Variants in TRPV1 observed in about 807,000 individuals in gnomAD.
TRPV1 encodes the protein OTRPC1.
TRPV1 carries 82 observed loss-of-function variants against 82.3 expected under a neutral mutation model. The ratio of observed to expected loss-of-function variants is 1.00; its 90% confidence interval spans 0.83 to 1.20. TRPV1 has a LOEUF of 1.20. Ranked by LOEUF, TRPV1 falls within the 50% of genes most tolerant of loss-of-function variation. The pLI is 0.00. For synonymous variants in TRPV1, 515 were observed against 467.7 expected, an observed-to-expected ratio of 1.10 and a Z score of -1.30; for missense variants, 1,067 against 1,096.8, an observed-to-expected ratio of 0.97 and a Z score of 0.38.
intron 11 of TRPV1, among the ~76,000 whole-genome samples, chr17:3,580,247 C>T (rs373423416): frequency 7.9e-5 from 12 of 152,284 alleles, no homozygotes; most frequent in East Asian, 7.7e-4. Context: ...CTGTAAGTCA[C>T]GGCAGTTTCT....
rs535619092 is a variant in TRPV1 at position 3,571,630 on chromosome 17, C to G, written c.2241G>C (p.Glu747Asp). Residue 747 changes from glutamate to aspartate, a missense_variant, in exon 16 of 17, where the codon GAG (glutamate) becomes GAC (aspartate). By Grantham distance (45) the Glu-to-Asp change is conservative (BLOSUM62 2). Transcript: ENST00000572705. The stretch of plus-strand genomic sequence containing the variant: ...TGGTGTTCCAGGTGGTCCAGTTCAC[C>G]TCGTCCACCCTGCAGGGTAAGGGGT... ...DDYRWCFRVD[E>D]VNWTTWNTNV... 3.7e-6 allele frequency: 6 copies of G among 1,609,340 alleles called. No homozygotes were observed. The South Asian group carries it at 6.7e-5, about 18-fold the overall frequency.
At chr17:3,573,251 T>C (rs2074882625) in intron 14 of TRPV1, among the ~76,000 whole-genome samples, 1 of 152,084 alleles carries the variant, frequency 6.6e-6, no homozygotes, top group Non-Finnish European at 1.5e-5. Flanking sequence ...ACCAGGCTCC[T>C]CTGAGGTGGA....
At chr17:3,573,349 C>G (rs1331261514) in intron 14 of TRPV1, among the ~76,000 whole-genome samples, 2 of 152,168 alleles carry the variant, frequency 1.3e-5, no homozygotes, top group African/African-American at 4.8e-5. Flanking sequence ...ACCAGCTGAG[C>G]TCATCTGCCC....
intron 6 of TRPV1, 70 bp from the exon 7 acceptor site, chr17:3,590,175 A>C: frequency 1.3e-6 from 2 of 1,588,666 alleles, no homozygotes; most frequent in South Asian, 2.3e-5. Flanking sequence ...ACCGGCCTCC[A>C]AACTCCCTCT....
intron 5 of TRPV1, among the ~76,000 whole-genome samples, chr17:3,590,694 C>T (rs2063136): frequency 0.5 from 75,674 of 152,016 alleles, 20,872 homozygotes; most frequent in Non-Finnish European, 0.63. Context: ...CTTCCAGGGA[C>T]AGGGACCATC....
rs755001575 is a variant in TRPV1, at chr17:3,592,333, G to T, written c.18C>A (p.Ser6Arg). 2.5e-6 allele frequency: 4 copies of T among 1,595,396 alleles called. No individual in the cohort carries two copies. In the South Asian group the frequency reaches 3.4e-5, roughly 13 times the overall value. The change falls in exon 3 of 17, where the codon AGC becomes AGA. Residue 6 changes from serine to arginine, a missense_variant. By Grantham distance (110) the Ser-to-Arg change is moderately radical. Transcript: ENST00000572705. MKKWS[S>R]TDLGAAADPL... ...GGTCCGCAGCTGCCCCCAAGTCTGT[G>T]CTGCTCCATTTCTTCATCCTTGCTG... is the stretch of plus-strand genomic sequence containing the variant.
intron 10 of TRPV1, among the ~76,000 whole-genome samples, chr17:3,581,960 G>A (rs1428540207): frequency 6.8e-6 from 1 of 147,622 alleles, no homozygotes; most frequent in Non-Finnish European, 1.5e-5. Flanking sequence ...GGAGGCCAAG[G>A]TGGGCGGATC....
rs373932885 is a variant in TRPV1 at position 3,573,958 on chromosome 17, A to G, written c.1781-3T>C. 6.3e-6 allele frequency: 10 copies of G among 1,591,794 alleles called. No individual in the cohort carries two copies. The highest frequency in any genetic ancestry group is 1.1e-5 in the South Asian group (1 of 88,238). ...GTCTTCAATCAGCGTCACCACCGCT[A>G]CAGGGCACAGGGAGGGCGGGGTGCC... On this transcript the variant is annotated splice_region_variant and splice_polypyrimidine_tract_variant and intron_variant, in intron 13 of 16. Transcript: ENST00000572705.
At chr17:3,577,022 C>T (rs994159580) in intron 13 of TRPV1, 104 bp downstream of exon 13, 2 of 1,205,984 alleles carry the variant, frequency 1.7e-6, no homozygotes, top group Admixed American at 2.2e-5. Flanking sequence ...TGCAGACATG[C>T]ACCTGCCTAC....
At chr17:3,569,548 T>C (rs1211370440) in intron 16 of TRPV1, among the ~76,000 whole-genome samples, 1 of 152,228 alleles carries the variant, frequency 6.6e-6, no homozygotes. Flanking sequence ...CGCGGTGAGC[T>C]GCAGTCTAAG....
chr17:3,583,522 G>T, intron 9 of TRPV1, 92 bp from the exon 10 acceptor site: 1 of 1,061,998 alleles, frequency 9.4e-7, no homozygotes, highest in Non-Finnish European at 1.4e-6. Flanking sequence ...TCCCTGCCCA[G>T]GAGGCACAGC....
chr17:3,579,293 C>T (rs988089933), intron 11 of TRPV1, among the ~76,000 whole-genome samples: 5 of 152,002 alleles, frequency 3.3e-5, no homozygotes, highest in Non-Finnish European at 4.4e-5. Flanking sequence ...GTGAGTCGTA[C>T]GGACAAGCTA....
intron 2 of TRPV1, among the ~76,000 whole-genome samples, chr17:3,602,718 AC>A (rs1290345408): frequency 2.0e-5 from 3 of 152,178 alleles, no homozygotes; most frequent in Non-Finnish European, 2.9e-5. Flanking sequence ...TCTTAGTGTT[AC>A]CACTAGGGGG....
intron 9 of TRPV1, among the ~76,000 whole-genome samples, chr17:3,584,580 G>T (rs2075061653): frequency 6.6e-6 from 1 of 152,020 alleles, no homozygotes; most frequent in African/African-American, 2.4e-5. Flanking sequence ...GCGATCACTT[G>T]AGGTCAGGAG....
chr17:3,595,656 G>C (rs2075212459), intron 2 of TRPV1: 1 of 152,256 alleles, frequency 6.6e-6, no homozygotes, highest in African/African-American at 2.4e-5. Context: ...AGCCCAGCAA[G>C]AGAGCACCTG....
rs200387612 is a variant in TRPV1, at chr17:3,590,427, C to T, written c.605-35G>A. ...ACGCGCACGGTTGGCTTCGTGGTCA[C>T]GGTCCTGTGGGGCTGCCGGGACAGG... On this transcript the variant is annotated intron_variant, in intron 5 of 16. Coordinates refer to ENST00000572705, the MANE Select transcript of TRPV1 (RefSeq NM_080704.4). 9.1e-4 allele frequency: 1,463 copies of T among 1,606,498 alleles called. 1 individual carries two copies. Among genetic ancestry groups the T allele is most frequent in the Non-Finnish European group, 1.1e-3 (1,285 of 1,175,460 alleles).
chr17:3,586,671 T>C (rs923308388), intron 8 of TRPV1, among the ~76,000 whole-genome samples: 1 of 152,126 alleles, frequency 6.6e-6, no homozygotes, highest in African/African-American at 2.4e-5. Context: ...CTTGGGAGGC[T>C]GAGGTGGGAG....
Position 3,578,650 on chromosome 17 carries a change from G to GCTA in TRPV1, c.1548-890_1548-888dup, listed in dbSNP as rs757267985. The GCTA allele has an allele frequency of 2.0e-5, 3 of 152,266 alleles. No individual in the cohort carries two copies. The East Asian group carries it at 5.8e-4, about 29-fold the overall frequency. The allele number at this position is 152,266 out of a possible 1,614,324, so 9.4% of individuals were successfully genotyped here. The stretch of plus-strand genomic sequence containing the variant: ...TTGCCTCTTGAGTTTGCCTTTCGGG[G>GCTA]CTAAAGTATAGGTATCTCAAGATTA... On this transcript the variant is annotated intron_variant, in intron 11 of 16. Transcript: ENST00000572705.
chr17:3,571,497 C>T lies in TRPV1; in HGVS notation c.2347+27G>A, dbSNP rs201320465. The T allele has an allele frequency of 1.6e-5, 25 of 1,530,990 alleles. No homozygotes were observed. In the African/African-American group the frequency reaches 2.3e-4, roughly 14 times the overall value. 94.8% of individuals were successfully genotyped at this position (1,530,990 alleles called of 1,614,324 possible). On this transcript the variant is annotated intron_variant, in intron 16 of 16. Coordinates refer to ENST00000572705, the MANE Select transcript of TRPV1 (RefSeq NM_080704.4). Reference sequence around the variant, plus strand: ...AACATCAGGCCACCAGCCAAGGAGGCGCCAAGCACCGGCCCTCACGCCTCA... The same window carrying T: ...AACATCAGGCCACCAGCCAAGGAGGTGCCAAGCACCGGCCCTCACGCCTCA...
Sources: allele counts gnomAD v4.1 joint callset (sites outside exome capture counted in the v4.1 genomes callset), GRCh38; gene constraint gnomAD v4.1.1; transcripts MANE v1.5; gene names NCBI Gene and HGNC (gene_info 2026-07-23, HGNC 2026-07-21).